The following OPHN1 variants were observed in gnomAD, a reference collection of about 807,000 sequenced individuals.
The protein encoded by OPHN1 is oligophrenin-1.
Under a neutral mutation model 60.7 loss-of-function variants are expected in OPHN1, and 11 were observed. The observed-to-expected ratio is 0.18, with a 90% CI of 0.11 to 0.30. The LOEUF (loss-of-function observed/expected upper bound fraction) is 0.30. OPHN1 is among the 10% of genes least tolerant of loss of function. The pLI is 1.00. For synonymous variants in OPHN1, 226 were observed against 222.6 expected (o/e 1.02, Z -0.14); for missense variants, 449 against 611.0 (o/e 0.73, Z 2.80).
At chrX:68,394,839 G>T (rs2078674756) in intron 2 of OPHN1, among the ~76,000 whole-genome samples, 1 of 111,627 alleles carries the variant, frequency 9.0e-6, no homozygotes, top group Non-Finnish European at 1.9e-5. Context: ...TAGAGACGGG[G>T]TTTCACCATC....
Position 68,046,365 on chromosome X carries a change from T to A in OPHN1, c.*807A>T, listed in dbSNP as rs947814743. 9.8e-5 allele frequency: 11 copies of A among 112,654 alleles called. No homozygotes were observed. Among genetic ancestry groups the A allele is most frequent in the Non-Finnish European group, 1.5e-4 (8 of 53,299 alleles). 9.3% of individuals were successfully genotyped at this position (112,654 alleles called of 1,213,427 possible). A position where few individuals can be genotyped will look rare whatever the true frequency, so the allele number is the denominator to read the frequency against. On this transcript the variant is annotated 3_prime_UTR_variant, in exon 25 of 25. Coordinates refer to ENST00000355520, the MANE Select transcript of OPHN1 (RefSeq NM_002547.3). The stretch of plus-strand genomic sequence containing the variant: ...AGGACCAAACACAGTCTCCTTTTTT[T>A]AAAAAGAAATGTGTTCAGCTTTTGT...
rs1210711233 is a variant in OPHN1, at chrX:68,374,161, T to G, written c.154+58706A>C. Among the ~76,000 whole-genome samples the G allele has an allele frequency of 2.7e-5, 3 of 109,494 alleles. No homozygotes were observed. The Admixed American group carries it at 3.0e-4, about 11-fold the overall frequency. On this transcript the variant is annotated intron_variant, in intron 2 of 24. Transcript: ENST00000355520. ...TCACGAGGTCAAGAGATCAAGACCATCCTGGCCAACATGGTGAAACCCCGT... is the reference window on the plus strand; with the variant it reads ...TCACGAGGTCAAGAGATCAAGACCAGCCTGGCCAACATGGTGAAACCCCGT...
chrX:68,258,103 C>T (rs1201410899), intron 5 of OPHN1, among the ~76,000 whole-genome samples: 1 of 109,950 alleles, frequency 9.1e-6, no homozygotes, highest in Non-Finnish European at 1.9e-5. Context: ...GATGCAATTC[C>T]CTTCTACTCT....
intron 15 of OPHN1, among the ~76,000 whole-genome samples, chrX:68,167,685 A>G (rs1422690059): frequency 1.0e-5 from 1 of 99,111 alleles, no homozygotes. Flanking sequence ...ACACATGTAT[A>G]TATGTATATA....
At chrX:68,281,138 T>C (rs1370365499) in intron 4 of OPHN1, among the ~76,000 whole-genome samples, 1 of 112,045 alleles carries the variant, frequency 8.9e-6, no homozygotes, top group Non-Finnish European at 1.9e-5. Context: ...CTTAAGCTTA[T>C]ACCTGACTTC....
At chrX:68,126,483 T>C (rs1244095669) in intron 15 of OPHN1, among the ~76,000 whole-genome samples, 1 of 110,876 alleles carries the variant, frequency 9.0e-6, no homozygotes, top group Non-Finnish European at 1.9e-5. Context: ...CTCACTCTGT[T>C]GCCCAGGCTG....
chrX:68,266,726 G>A (rs934299686), intron 5 of OPHN1, among the ~76,000 whole-genome samples: 1 of 111,447 alleles, frequency 9.0e-6, no homozygotes, highest in Non-Finnish European at 1.9e-5. Context: ...AAAAGACACA[G>A]ACTGGCAAAT....
chrX:68,377,951 T>C (rs1402426824), intron 2 of OPHN1, among the ~76,000 whole-genome samples: 1 of 112,010 alleles, frequency 8.9e-6, no homozygotes, highest in African/African-American at 3.2e-5. Context: ...TACCCAGTAA[T>C]GGGATGGCTG....
At chrX:68,103,433 C>A (rs914136030) in intron 18 of OPHN1, among the ~76,000 whole-genome samples, 2 of 111,800 alleles carry the variant, frequency 1.8e-5, no homozygotes, top group Admixed American at 9.5e-5. Context: ...AGTGAATGGG[C>A]AAAAGCTGGA....
chrX:68,240,702 T>C (rs1478183483), intron 5 of OPHN1, among the ~76,000 whole-genome samples: 1 of 112,133 alleles, frequency 8.9e-6, no homozygotes, highest in East Asian at 2.8e-4. Flanking sequence ...TCTACCATTT[T>C]TTATTGTTAT....
intron 2 of OPHN1, among the ~76,000 whole-genome samples, chrX:68,418,890 G>T: frequency 8.9e-6 from 1 of 111,896 alleles, no homozygotes; most frequent in Admixed American, 9.6e-5. Flanking sequence ...TTTTTACGAA[G>T]TATTATGTGT....
At chrX:68,409,776 G>A (rs1393507980) in intron 2 of OPHN1, among the ~76,000 whole-genome samples, 5 of 111,999 alleles carry the variant, frequency 4.5e-5, no homozygotes, top group African/African-American at 1.6e-4. Flanking sequence ...TCCTCTTGAA[G>A]TTTCAAAGAA....
intron 2 of OPHN1, among the ~76,000 whole-genome samples, chrX:68,421,302 T>A (rs1298892614): frequency 9.0e-6 from 1 of 110,998 alleles, no homozygotes; most frequent in Admixed American, 9.7e-5. Context: ...ATCATCCCCA[T>A]AATCCCTCAA....
At chrX:68,249,055 CAAT>C (rs2077820937) in intron 5 of OPHN1, among the ~76,000 whole-genome samples, 1 of 111,012 alleles carries the variant, frequency 9.0e-6, no homozygotes, top group Non-Finnish European at 1.9e-5. Flanking sequence ...TGAATATAGT[CAAT>C]AATAACTTAA....
intron 6 of OPHN1, among the ~76,000 whole-genome samples, chrX:68,225,183 C>T (rs374195585): frequency 3.6e-5 from 4 of 111,757 alleles, no homozygotes; most frequent in Middle Eastern, 4.6e-3. Context: ...GAGGGTCGTC[C>T]GCCATTACTG....
rs984902738 is a variant in OPHN1 at position 68,079,133 on chromosome X, A to G, written c.1687-5834T>C. ...CTTTCTAAGGAGAATGCCTCTACCT[A>G]TGCTCTGGATCCCATCTCATCTCTT... is the stretch of plus-strand genomic sequence containing the variant. On this transcript the variant is annotated intron_variant, in intron 19 of 24. Coordinates refer to ENST00000355520, the MANE Select transcript of OPHN1 (RefSeq NM_002547.3). 9.9e-5 allele frequency among the ~76,000 whole-genome samples: 11 copies of G among 111,247 alleles called. 1 individual carries two copies. In the South Asian group the frequency reaches 2.3e-3, roughly 23 times the overall value.
intron 12 of OPHN1, among the ~76,000 whole-genome samples, chrX:68,196,548 A>G (rs1183184435): frequency 1.8e-5 from 2 of 112,151 alleles, no homozygotes; most frequent in African/African-American, 6.5e-5. Context: ...TATGCCACTA[A>G]GAAACCAGAA....
chrX:68,409,435 T>C (rs1033190645), intron 2 of OPHN1, among the ~76,000 whole-genome samples: 2 of 111,019 alleles, frequency 1.8e-5, no homozygotes, highest in African/African-American at 6.6e-5. Context: ...AACAATAAGG[T>C]GATTATCACT....
At chrX:68,418,558 A>G (rs2078810566) in intron 2 of OPHN1, among the ~76,000 whole-genome samples, 1 of 111,660 alleles carries the variant, frequency 9.0e-6, no homozygotes, top group Non-Finnish European at 1.9e-5. Context: ...CGCACCCTAC[A>G]AGGCATAACC....
Sources: gnomAD v4.1 joint callset for allele counts (sites outside exome capture counted in the v4.1 genomes callset) on GRCh38, gnomAD v4.1.1 for gene constraint, MANE v1.5 for transcripts, NCBI Gene and HGNC (gene_info 2026-07-23, HGNC 2026-07-21) for gene names.